The following DACT3 variants were observed in gnomAD, a reference collection of about 807,000 sequenced individuals.
DACT3 encodes the protein dishevelled binding antagonist of beta catenin 3.
Under a neutral mutation model 19.6 loss-of-function variants are expected in DACT3, and 5 were observed. That is an observed-to-expected ratio of 0.26 (90% CI 0.13 to 0.54). DACT3 has a LOEUF of 0.54. Among genes scored for constraint, DACT3 ranks in the 20% least tolerant of loss-of-function variants. The probability of loss-of-function intolerance (pLI) is 0.95; values close to 1 mark genes in which losing one functional copy is unlikely to be tolerated. For missense variants in DACT3, 908 were observed against 927.4 expected (o/e 0.98, Z 0.27); for synonymous variants, 454 against 428.1 (o/e 1.06, Z -0.75).
intron 1 of DACT3, among the ~76,000 whole-genome samples, chr19:46,658,805 C>A (rs996478939): frequency 6.6e-6 from 1 of 152,016 alleles, no homozygotes; most frequent in Non-Finnish European, 1.5e-5. Flanking sequence ...GTATCCAGTG[C>A]CCATTTATCT....
chr19:46,648,914 A>T lies in DACT3; in HGVS notation c.1458T>A (p.Asp486Glu). Residue 486 changes from aspartate (D) to glutamate (E), a missense_variant, in exon 4 of 4, where the codon GAT becomes GAA. By Grantham distance (45) the Asp-to-Glu change is conservative (BLOSUM62 2). Transcript: ENST00000391916. This position sits in a 1 kb window ranked among gnomAD's most constrained non-coding sequence, Gnocchi z 5.1. ...GGGCTCGGGGCCGCACGCGGCGCCC[A>T]TCGGCAGCGTCGATCTCCGCAGTGG... ...WRSTAEIDAA[D>E]GRRVRPRAPA... 1.5e-6 allele frequency: 2 copies of T among 1,354,434 alleles called. No individual in the cohort carries two copies. Among genetic ancestry groups the T allele is most frequent in the African/African-American group, 3.1e-5 (2 of 64,782 alleles). 83.9% of individuals were successfully genotyped at this position (1,354,434 alleles called of 1,614,324 possible).
rs924429086 is a variant in DACT3 at position 46,649,534 on chromosome 19, G to T, written c.838C>A (p.Arg280=). ...CGCTGGCGCACGCTGTTCTGGCGCC[G>T]CGGGCCGCCGTCCGCGCCCCCGGGA... ...TSPGGADGGP[R]RQNSVRQRPP... The change falls in exon 4 of 4, where the codon CGG becomes AGG. Residue 280 remains arginine (R), a synonymous_variant. Coordinates refer to ENST00000391916, the MANE Select transcript of DACT3 (RefSeq NM_145056.3). 18 of 1,051,940 alleles carry T rather than the reference G, an allele frequency of 1.7e-5. No individual in the cohort carries two copies. The African/African-American group carries it at 2.9e-4, about 17-fold the overall frequency. 65.2% of individuals were successfully genotyped at this position (1,051,940 alleles called of 1,614,324 possible).
Position 46,661,141 on chromosome 19 carries a change from C to CCTGCCCGCCCGCCCG in DACT3, c.-92_-78dup. 7.7e-7 allele frequency: 1 copy of CCTGCCCGCCCGCCCG among 1,304,698 alleles called. No individual in the cohort carries two copies. Among genetic ancestry groups the CCTGCCCGCCCGCCCG allele is most frequent in the Non-Finnish European group, 9.8e-7 (1 of 1,022,212 alleles). 80.8% of individuals were successfully genotyped at this position (1,304,698 alleles called of 1,614,324 possible). A position where few individuals can be genotyped will look rare whatever the true frequency, so the allele number is the denominator to read the frequency against. On this transcript the variant is annotated 5_prime_UTR_variant, in exon 1 of 4. Transcript: ENST00000391916. ...CGGTCCCACCTCCCCGCCCCAGCAGCCTGCCCGCCCGCCCGCTGGCCGGGC... is the reference window on the plus strand; with the variant it reads ...CGGTCCCACCTCCCCGCCCCAGCAGCCTGCCCGCCCGCCCGCTGCCCGCCCGCCCGCTGGCCGGGC...
rs1157268538 is a variant in DACT3, at chr19:46,653,079, A to G, written c.250-4T>C. 3.2e-6 allele frequency: 5 copies of G among 1,551,038 alleles called. No homozygotes were observed. The highest frequency in any genetic ancestry group is 4.4e-6 in the Non-Finnish European group (5 of 1,146,970). The stretch of plus-strand genomic sequence containing the variant: ...AGACGAGACCAGGCAGGGCCTCCTG[A>G]AGGCATAGGGAGAGAAGGATGGTCA... On this transcript the variant is annotated splice_region_variant and splice_polypyrimidine_tract_variant and intron_variant, in intron 1 of 3. Transcript: ENST00000391916.
At chr19:46,655,055 A>G in intron 1 of DACT3, 1 of 985,374 alleles carries the variant, frequency 1.0e-6, no homozygotes, top group Non-Finnish European at 1.2e-6. Flanking sequence ...CGGACCTACC[A>G]TGTACCCCAT....
chr19:46,660,679 G>A lies in DACT3; in HGVS notation c.249+137C>T, dbSNP rs942727166. 23 of 1,374,384 alleles carry A rather than the reference G, an allele frequency of 1.7e-5. No homozygotes were observed. Among genetic ancestry groups the A allele is most frequent in the Admixed American group, 3.6e-5 (1 of 27,926 alleles). 85.1% of individuals were successfully genotyped at this position (1,374,384 alleles called of 1,614,324 possible). A position where few individuals can be genotyped will look rare whatever the true frequency, so the allele number is the denominator to read the frequency against. ...TCCGGCCCGCCGCCGGAACTCCGGG[G>A]TCGCCAGCCCCACCCCCTGTCCTTT... is the stretch of plus-strand genomic sequence containing the variant. On this transcript the variant is annotated intron_variant, in intron 1 of 3. Transcript: ENST00000391916. The surrounding 1 kb of genome is among the most constrained non-coding windows in gnomAD (Gnocchi z 4.9).
At chr19:46,659,222 C>T (rs971824727) in intron 1 of DACT3, 2 of 985,026 alleles carry the variant, frequency 2.0e-6, no homozygotes, top group South Asian at 9.4e-5. Context: ...CTGGGACAAG[C>T]TTTGCCTAGA....
At chr19:46,651,549 T>A (rs2052984910) in intron 3 of DACT3, 1 of 152,134 alleles carries the variant, frequency 6.6e-6, no homozygotes, top group South Asian at 2.1e-4. Flanking sequence ...ATGACAGCAG[T>A]TCCTGTTTAC....
chr19:46,649,398 G>A lies in DACT3; in HGVS notation c.974C>T (p.Ala325Val). ...TSPAALSRAW[A>V]SSWESEAAPE... The stretch of plus-strand genomic sequence containing the variant: ...TGCCGCCTCCGACTCCCACGACGAC[G>A]CCCAGGCGCGGCTCAAGGCGGCAGG... The change falls in exon 4 of 4, where the codon GCG becomes GTG. Residue 325 changes from alanine to valine, a missense_variant. Ala to Val is a moderately conservative substitution (Grantham distance 64, BLOSUM62 0). Around this residue, in one of 2 missense-constraint regions of DACT3, gnomAD observed 656 missense variants for 601.8 expected, o/e 1.09. Coordinates refer to ENST00000391916, the MANE Select transcript of DACT3 (RefSeq NM_145056.3). 1.6e-6 allele frequency: 2 copies of A among 1,286,008 alleles called. No individual in the cohort carries two copies. Among genetic ancestry groups the A allele is most frequent in the South Asian group, 1.8e-5 (1 of 54,462 alleles). The allele number at this position is 1,286,008 out of a possible 1,614,324, so 79.7% of individuals were successfully genotyped here.
chr19:46,650,512 G>A (rs980082759), intron 3 of DACT3: 7 of 151,886 alleles, frequency 4.6e-5, no homozygotes, highest in African/African-American at 1.5e-4. Flanking sequence ...CCAGCTCCTG[G>A]GCTCAAGGGA....
intron 1 of DACT3, among the ~76,000 whole-genome samples, chr19:46,655,925 C>CTCTCTCTCTCTCTCTCTCTCTA (rs980735397): frequency 1.5e-5 from 2 of 137,898 alleles, no homozygotes. Context: ...CTCTCTCTCT[C>CTCTCTCTCTCTCTCTCTCTCTA]TATATATATA....
In DACT3 at chr19:46,649,270, G is replaced by C; in HGVS notation, c.1102C>G (p.Arg368Gly). The change falls in exon 4 of 4, where the codon CGA becomes GGA. Residue 368 changes from arginine to glycine, a missense_variant. Transcript: ENST00000391916. ...QYIPGAQAATRGLPGRAARRK... is the reference protein window; with the variant it reads ...QYIPGAQAATGGLPGRAARRK... Reference sequence around the variant, plus strand: ...CGGGCGGCGCGGCCAGGGAGGCCTCGGGTGGCCGCCTGCGCGCCCGGGATG... The same window carrying C: ...CGGGCGGCGCGGCCAGGGAGGCCTCCGGTGGCCGCCTGCGCGCCCGGGATG... 1 of 1,206,658 alleles carries C rather than the reference G, an allele frequency of 8.3e-7. No homozygotes were observed. Among genetic ancestry groups the C allele is most frequent in the Non-Finnish European group, 1.0e-6 (1 of 973,258 alleles). The allele number at this position is 1,206,658 out of a possible 1,614,324, so 74.7% of individuals were successfully genotyped here. A position where few individuals can be genotyped will look rare whatever the true frequency, so the allele number is the denominator to read the frequency against.
chr19:46,654,514 A>G (rs2053017829), intron 1 of DACT3: 1 of 979,604 alleles, frequency 1.0e-6, no homozygotes, highest in Non-Finnish European at 1.2e-6. Context: ...AGAAAAAGAA[A>G]TTTCCATGAG....
chr19:46,651,693 G>GTGT (rs2052987492), intron 3 of DACT3: 6 of 116,876 alleles, frequency 5.1e-5, no homozygotes, highest in African/African-American at 2.0e-4. Flanking sequence ...TGTGTGTGTG[G>GTGT]TTGGTGTTTT....
Position 46,652,734 on chromosome 19 carries a change from C to G in DACT3, c.425G>C (p.Gly142Ala), listed in dbSNP as rs986612988. The G allele has an allele frequency of 1.5e-5, 23 of 1,551,502 alleles. No individual in the cohort carries two copies. In the African/African-American group the frequency reaches 3.2e-4, roughly 21 times the overall value. Reference protein sequence around the residue: ...STFCGDSGFSGSSSYGRLGPS... With the variant: ...STFCGDSGFSASSSYGRLGPS... ...ACCCAGGCGACCATAGGAGCTGGAT[C>G]CAGAGAAGCCACTGTCCCCACAGAA... The change falls in exon 3 of 4, where the codon GGA becomes GCA. Residue 142 changes from glycine to alanine, a missense_variant. Around this residue, in one of 2 missense-constraint regions of DACT3, gnomAD observed 252 missense variants for 325.6 expected, o/e 0.77. Transcript: ENST00000391916.
At position 46,648,866 on chromosome 19, in the gene DACT3, G is replaced by T. The variant is rs1454851890; in HGVS notation, c.1506C>A (p.Pro502=). 9.8e-6 allele frequency: 14 copies of T among 1,421,698 alleles called. No homozygotes were observed. The highest frequency in any genetic ancestry group is 1.2e-5 in the Non-Finnish European group (13 of 1,099,366). The allele number at this position is 1,421,698 out of a possible 1,614,324, so 88.1% of individuals were successfully genotyped here. The change falls in exon 4 of 4, where the codon CCC becomes CCA. Residue 502 remains proline (P), a synonymous_variant. Coordinates refer to ENST00000391916, the MANE Select transcript of DACT3 (RefSeq NM_145056.3). The surrounding 1 kb of genome is among the most constrained non-coding windows in gnomAD (Gnocchi z 5.1). ...PRAPAARVPG[P]GPSPSAPQRR... is the part of the protein sequence containing the mutation. ...GCTGGGGAGCTGACGGGGACGGGCCGGGGCCGGGAACACGCGCCGCAGGGG... is the reference window on the plus strand; with the variant it reads ...GCTGGGGAGCTGACGGGGACGGGCCTGGGCCGGGAACACGCGCCGCAGGGG...
chr19:46,655,958 CAT>C (rs1176383035), intron 1 of DACT3, among the ~76,000 whole-genome samples: 18 of 149,638 alleles, frequency 1.2e-4, no homozygotes, highest in African/African-American at 2.2e-4. Flanking sequence ...CACAAACACA[CAT>C]ATATATATAC....
intron 3 of DACT3, chr19:46,651,434 C>G (rs2052984144): frequency 6.6e-6 from 1 of 152,150 alleles, no homozygotes; most frequent in African/African-American, 2.4e-5. Flanking sequence ...TTCCTGAGGG[C>G]AGGGATTTGC....
chr19:46,656,915 C>G (rs955107041), intron 1 of DACT3, among the ~76,000 whole-genome samples: 7 of 152,190 alleles, frequency 4.6e-5, no homozygotes, highest in Admixed American at 1.3e-4. Context: ...GTATGGCTAA[C>G]AAGTTCCATG....
Sources: gnomAD v4.1 joint callset for allele counts (sites outside exome capture counted in the v4.1 genomes callset) on GRCh38, gnomAD v4.1.1 for gene constraint, gnomAD v4.1.1 regional missense constraint, Gnocchi (gnomAD v3.1) non-coding constraint, MANE v1.5 for transcripts, NCBI Gene and HGNC (gene_info 2026-07-23, HGNC 2026-07-21) for gene names.